The following WDR25 variants were observed in gnomAD, a reference collection of about 807,000 sequenced individuals.
WDR25 encodes the protein WD repeat domain 25.
A neutral mutation model predicts 47.7 loss-of-function variants in WDR25; 35 were observed. The observed-to-expected ratio is 0.73, with a 90% CI of 0.56 to 0.97. The LOEUF is 0.97. Ranked by LOEUF, WDR25 falls within the 50% of genes least tolerant of loss-of-function variation. WDR25 has a pLI of 0.00. For missense variants in WDR25, 634 were observed against 704.7 expected, an observed-to-expected ratio of 0.90 and a Z score of 1.14; for synonymous variants, 248 against 278.9, an observed-to-expected ratio of 0.89 and a Z score of 1.10.
chr14:100,406,880 G>T (rs1175697555), intron 2 of WDR25: 2 of 152,406 alleles, frequency 1.3e-5, no homozygotes, highest in Non-Finnish European at 2.9e-5. Context: ...GTGAAATGTG[G>T]TTTAAAGACT....
rs769812841 is a variant in WDR25 at position 100,529,731 on chromosome 14, G to C, written c.1414-89G>C. The stretch of plus-strand genomic sequence containing the variant: ...AAGCCCAGCTCTGCTCCGTCAGCTC[G>C]GGGCTTCAGCCTGCTCCTCTGTAGA... On this transcript the variant is annotated intron_variant, in intron 6 of 6. Transcript: ENST00000402312. This position sits in a 1 kb window ranked among gnomAD's most constrained non-coding sequence, Gnocchi z 5.1. The C allele has an allele frequency of 3.9e-5, 55 of 1,416,572 alleles. No homozygotes were observed. Among genetic ancestry groups the C allele is most frequent in the Non-Finnish European group, 4.9e-5 (51 of 1,043,818 alleles). The allele number at this position is 1,416,572 out of a possible 1,614,324, so 87.8% of individuals were successfully genotyped here. A position where few individuals can be genotyped will look rare whatever the true frequency, so the allele number is the denominator to read the frequency against.
chr14:100,420,453 T>C (rs537074148), intron 2 of WDR25, among the ~76,000 whole-genome samples: 1 of 152,360 alleles, frequency 6.6e-6, no homozygotes, highest in Non-Finnish European at 1.5e-5. Context: ...GTTGTATCCC[T>C]GTTGCTGAAC....
intron 2 of WDR25, among the ~76,000 whole-genome samples, chr14:100,464,750 CAT>C (rs1899554710): frequency 9.5e-5 from 1 of 10,526 alleles, no homozygotes; most frequent in African/African-American, 8.6e-4. Flanking sequence ...CATCTCATCT[CAT>C]CTCATCTCAT....
intron 2 of WDR25, among the ~76,000 whole-genome samples, chr14:100,412,022 TG>T (rs1897722390): frequency 6.6e-6 from 1 of 152,090 alleles, no homozygotes; most frequent in Non-Finnish European, 1.5e-5. Context: ...CTGGGCAACA[TG>T]GGTGAAACCC....
At chr14:100,399,669 C>T (rs1019953948) in intron 2 of WDR25, among the ~76,000 whole-genome samples, 2 of 152,294 alleles carry the variant, frequency 1.3e-5, no homozygotes, top group East Asian at 1.9e-4. Context: ...ACGATGATGA[C>T]GCAGATAATA....
chr14:100,528,574 CT>C (rs2030305871), intron 5 of WDR25, among the ~76,000 whole-genome samples: 2 of 151,996 alleles, frequency 1.3e-5, no homozygotes, highest in Admixed American at 1.3e-4. Context: ...CCAGCCTTGG[CT>C]TTCTTTCTAT....
At chr14:100,400,464 A>G (rs1286468941) in intron 2 of WDR25, among the ~76,000 whole-genome samples, 2 of 152,230 alleles carry the variant, frequency 1.3e-5, no homozygotes, top group African/African-American at 4.8e-5. Flanking sequence ...AGCACCAGCT[A>G]ATAGCCCAGC....
intron 2 of WDR25, among the ~76,000 whole-genome samples, chr14:100,382,939 T>C (rs531493469): frequency 4.3e-4 from 66 of 152,332 alleles, no homozygotes; most frequent in African/African-American, 1.5e-3. Context: ...AGGTACCTCA[T>C]AGGCGCTCAG....
intron 2 of WDR25, among the ~76,000 whole-genome samples, chr14:100,409,526 A>G (rs1248055279): frequency 6.6e-6 from 1 of 151,472 alleles, no homozygotes; most frequent in Non-Finnish European, 1.5e-5. Context: ...GAAAAGTAAG[A>G]GCCCCATCAT....
At chr14:100,438,419 A>G (rs1207679156) in intron 2 of WDR25, among the ~76,000 whole-genome samples, 2 of 152,226 alleles carry the variant, frequency 1.3e-5, no homozygotes, top group African/African-American at 4.8e-5. Flanking sequence ...ATGGGCTTCA[A>G]ATGGATTTCT....
intron 2 of WDR25, among the ~76,000 whole-genome samples, chr14:100,397,199 A>T (rs1210126968): frequency 6.6e-6 from 1 of 152,218 alleles, no homozygotes; most frequent in Non-Finnish European, 1.5e-5. Flanking sequence ...TGCTGTTGTC[A>T]AGGAAACCAA....
intron 2 of WDR25, among the ~76,000 whole-genome samples, chr14:100,408,404 G>A (rs992878717): frequency 2.0e-5 from 3 of 152,150 alleles, no homozygotes; most frequent in Admixed American, 2.0e-4. Context: ...TTTCAATATT[G>A]CACAACTCTG....
Position 100,529,537 on chromosome 14 carries a change from G to A in WDR25, c.1414-283G>A, listed in dbSNP as rs1478620382. On this transcript the variant is annotated intron_variant, in intron 6 of 6. Transcript: ENST00000402312. The surrounding 1 kb of genome is among the most constrained non-coding windows in gnomAD (Gnocchi z 5.1). ...CCTCACTGAGGCCAAGCCTTGCTGG[G>A]GTGGAAGGGGCTGGGTGCTTAGTGA... 1.7e-6 allele frequency: 1 copy of A among 590,702 alleles called. No individual in the cohort carries two copies. Among genetic ancestry groups the A allele is most frequent in the Non-Finnish European group, 3.0e-6 (1 of 333,586 alleles). 36.6% of individuals were successfully genotyped at this position (590,702 alleles called of 1,614,324 possible).
Position 100,392,355 on chromosome 14 carries a change from G to T in WDR25, c.822+10609G>T, listed in dbSNP as rs1172624310. Among the ~76,000 whole-genome samples, 1 of 151,540 alleles carries T rather than the reference G, an allele frequency of 6.6e-6. No homozygotes were observed. The highest frequency in any genetic ancestry group is 2.4e-5 in the African/African-American group (1 of 41,212). ...AGTGAGTGGGTTCTTTTCCAGCCAC[G>T]TCTCTGTCTTCTTCTGCTTGGTTAG... On this transcript the variant is annotated intron_variant, in intron 2 of 6. Coordinates refer to ENST00000402312, the MANE Select transcript of WDR25 (RefSeq NM_001161476.3). The surrounding 1 kb of genome is among the most constrained non-coding windows in gnomAD (Gnocchi z 4.2).
chr14:100,496,021 A>G (rs925879991), intron 4 of WDR25, among the ~76,000 whole-genome samples: 4 of 152,204 alleles, frequency 2.6e-5, no homozygotes, highest in African/African-American at 9.6e-5. Context: ...CTTTTGAGAA[A>G]CTGCTAGACT....
chr14:100,378,957 CAAAAAAAAAAAAAAAAAAAAAAAAA>C (rs916945578), intron 1 of WDR25, among the ~76,000 whole-genome samples: 2 of 2,622 alleles, frequency 7.6e-4, no homozygotes, highest in African/African-American at 1.8e-3. Context: ...GACTCCGTCT[CAAAAAAAAAAAAAAAAAAAAAAAAA>C]AAAAAAAAAA....
chr14:100,517,452 T>C (rs1901542839), intron 4 of WDR25, among the ~76,000 whole-genome samples: 1 of 152,204 alleles, frequency 6.6e-6, no homozygotes, highest in Non-Finnish European at 1.5e-5. Context: ...TCTCTTTGTA[T>C]TATACCTTTA....
At chr14:100,493,573 C>T (rs1386503239) in intron 4 of WDR25, among the ~76,000 whole-genome samples, 2 of 152,174 alleles carry the variant, frequency 1.3e-5, no homozygotes, top group Non-Finnish European at 2.9e-5. Flanking sequence ...ACAACCTCCC[C>T]ATAATCATTC....
At chr14:100,456,960 T>A (rs574652921) in intron 2 of WDR25, among the ~76,000 whole-genome samples, 1 of 152,288 alleles carries the variant, frequency 6.6e-6, no homozygotes, top group African/African-American at 2.4e-5. Context: ...TCTTTTCTTT[T>A]CTTTTCTTTT....
Sources: allele counts gnomAD v4.1 joint callset (sites outside exome capture counted in the v4.1 genomes callset), GRCh38; gene constraint gnomAD v4.1.1; non-coding constraint Gnocchi (gnomAD v3.1); transcripts MANE v1.5; gene names NCBI Gene and HGNC (gene_info 2026-07-23, HGNC 2026-07-21).